The following GHR variants were observed in gnomAD, a reference collection of about 807,000 sequenced individuals.
GHR encodes growth hormone receptor.
GHR carries 35 observed loss-of-function variants against 67.1 expected under a neutral mutation model. That is an observed-to-expected ratio of 0.52 (90% confidence interval 0.40 to 0.69). The LOEUF (loss-of-function observed/expected upper bound fraction) is 0.69, where lower values mean the gene tolerates loss of function less well. Ranked by LOEUF, GHR falls within the 30% of genes least tolerant of loss-of-function variation. GHR has a pLI of 0.00. For synonymous variants in GHR, 272 were observed against 269.1 expected, an observed-to-expected ratio of 1.01 and a Z score of -0.10; for missense variants, 792 against 764.6, an observed-to-expected ratio of 1.04 and a Z score of -0.42.
intron 1 of GHR, among the ~76,000 whole-genome samples, chr5:42,480,739 G>C (rs1745589824): frequency 6.6e-6 from 1 of 152,070 alleles, no homozygotes; most frequent in African/African-American, 2.4e-5. Context: ...CCATTTGCTT[G>C]GTAGATCTTC....
intron 3 of GHR, among the ~76,000 whole-genome samples, chr5:42,641,190 A>C (rs1175947699): frequency 9.9e-6 from 1 of 100,514 alleles, no homozygotes; most frequent in Admixed American, 8.8e-5. Flanking sequence ...CAGAGCTAAA[A>C]GTGTACACCT....
At chr5:42,447,630 CTCT>C (rs1743861751) in intron 1 of GHR, among the ~76,000 whole-genome samples, 1 of 151,678 alleles carries the variant, frequency 6.6e-6, no homozygotes, top group Non-Finnish European at 1.5e-5. Context: ...CCATCTCTCT[CTCT>C]TTCCTTTCTT....
chr5:42,533,786 G>A (rs2112349037), intron 1 of GHR, among the ~76,000 whole-genome samples: 1 of 151,846 alleles, frequency 6.6e-6, no homozygotes, highest in Non-Finnish European at 1.5e-5. Flanking sequence ...CACCCAAGCA[G>A]TATACACTGC....
intron 3 of GHR, among the ~76,000 whole-genome samples, chr5:42,673,278 GA>G (rs1432719294): frequency 2.0e-5 from 3 of 151,972 alleles, no homozygotes; most frequent in Non-Finnish European, 2.9e-5. Flanking sequence ...CAAGGCTGCA[GA>G]AAAAAAAGTG....
chr5:42,670,880 A>AAAAAATAAAAAAAAAAAAAAAAT (rs1554034852), intron 3 of GHR, among the ~76,000 whole-genome samples: 2 of 118,212 alleles, frequency 1.7e-5, no homozygotes, highest in African/African-American at 3.3e-5. Flanking sequence ...AAAAAAAAAA[A>AAAAAATAAAAAAAAAAAAAAAAT]ATATATATAT....
At chr5:42,658,958 G>T (rs1338126077) in intron 3 of GHR, among the ~76,000 whole-genome samples, 1 of 152,100 alleles carries the variant, frequency 6.6e-6, no homozygotes, top group Non-Finnish European at 1.5e-5. Context: ...TCTAATCTGT[G>T]CTTTAGATTC....
chr5:42,481,808 C>T (rs888541833), intron 1 of GHR, among the ~76,000 whole-genome samples: 10 of 152,090 alleles, frequency 6.6e-5, no homozygotes, highest in Admixed American at 1.3e-4. Context: ...AAGTTTTTAA[C>T]TTCTTTGCCA....
chr5:42,477,112 T>C (rs1333817231), intron 1 of GHR, among the ~76,000 whole-genome samples: 1 of 144,882 alleles, frequency 6.9e-6, no homozygotes, highest in Admixed American at 7.3e-5. Flanking sequence ...AATTCCCACC[T>C]ATGAGTGAGA....
At chr5:42,674,823 T>C (rs1271765385) in intron 3 of GHR, among the ~76,000 whole-genome samples, 1 of 152,158 alleles carries the variant, frequency 6.6e-6, no homozygotes, top group Non-Finnish European at 1.5e-5. Context: ...TTGCACATGT[T>C]TTTGTGTGAT....
At chr5:42,588,660 A>G (rs868158530) in intron 2 of GHR, among the ~76,000 whole-genome samples, 25 of 151,780 alleles carry the variant, frequency 1.6e-4, no homozygotes, top group African/African-American at 6.0e-4. Flanking sequence ...CTCTAATGAG[A>G]TCTTTCTGAC....
chr5:42,543,430 G>A lies in GHR; in HGVS notation c.-11-22434G>A, dbSNP rs182285598. 2.3e-3 allele frequency among the ~76,000 whole-genome samples: 352 copies of A among 152,172 alleles called. 1 individual carries two copies. The highest frequency in any genetic ancestry group is 8.0e-3 in the African/African-American group (332 of 41,550). Reference sequence around the variant, plus strand: ...TATTATTTAATGAGAGTCTTTTGGTGGTAAAGTATCTTAGTTTTCATGTGT... The same window carrying A: ...TATTATTTAATGAGAGTCTTTTGGTAGTAAAGTATCTTAGTTTTCATGTGT... On this transcript the variant is annotated intron_variant, in intron 1 of 9. Coordinates refer to ENST00000230882, the MANE Select transcript of GHR (RefSeq NM_000163.5).
rs190382558 is a variant in GHR at position 42,613,052 on chromosome 5, G to C, written c.71-15986G>C. Among the ~76,000 whole-genome samples the C allele has an allele frequency of 1.1e-3, 170 of 152,246 alleles. 2 individuals are homozygous for C. The highest frequency in any genetic ancestry group is 9.3e-3 in the Admixed American group (142 of 15,292). ...TTTGTTTTTAAAATTATTTCAGATA[G>C]AGATGTTTCAAATTCTACATAAATG... On this transcript the variant is annotated intron_variant, in intron 2 of 9. Transcript: ENST00000230882.
intron 1 of GHR, among the ~76,000 whole-genome samples, chr5:42,547,480 T>C (rs1056924263): frequency 2.6e-5 from 4 of 152,204 alleles, no homozygotes; most frequent in African/African-American, 9.7e-5. Context: ...AAGCTGGTTT[T>C]TTTTTTATGT....
chr5:42,695,779 G>C (rs1757644518), intron 5 of GHR, among the ~76,000 whole-genome samples: 1 of 152,180 alleles, frequency 6.6e-6, no homozygotes, highest in Non-Finnish European at 1.5e-5. Flanking sequence ...AAGAATCAAA[G>C]AAGGACTTTG....
intron 3 of GHR, among the ~76,000 whole-genome samples, chr5:42,677,959 G>C (rs1756653390): frequency 6.6e-6 from 1 of 152,160 alleles, no homozygotes; most frequent in Admixed American, 6.5e-5. Context: ...GGTAACAACA[G>C]TTAACAAATC....
chr5:42,427,829 T>C (rs531179558), intron 1 of GHR, among the ~76,000 whole-genome samples: 12 of 152,310 alleles, frequency 7.9e-5, no homozygotes, highest in Admixed American at 6.5e-4. Flanking sequence ...AGAGGGGCTA[T>C]AGGTGCAAGT....
At chr5:42,535,887 T>C (rs1748233591) in intron 1 of GHR, among the ~76,000 whole-genome samples, 2 of 152,164 alleles carry the variant, frequency 1.3e-5, no homozygotes, top group African/African-American at 2.4e-5. Context: ...TTGTTAAGTA[T>C]ATTCCTAAGT....
chr5:42,660,501 G>A (rs1360113272), intron 3 of GHR, among the ~76,000 whole-genome samples: 1 of 152,184 alleles, frequency 6.6e-6, no homozygotes, highest in Non-Finnish European at 1.5e-5. Context: ...AGGAAAACAG[G>A]GTCTGGAGTG....
intron 3 of GHR, among the ~76,000 whole-genome samples, chr5:42,633,105 G>C (rs1399049358): frequency 6.6e-6 from 1 of 152,124 alleles, no homozygotes; most frequent in Non-Finnish European, 1.5e-5. Context: ...AAAAAAATTA[G>C]ATGATTGCAC....
Sources: gnomAD v4.1 joint callset for allele counts (sites outside exome capture counted in the v4.1 genomes callset) on GRCh38, gnomAD v4.1.1 for gene constraint, MANE v1.5 for transcripts, NCBI Gene and HGNC (gene_info 2026-07-23, HGNC 2026-07-21) for gene names.